ADAMTSL1: variants seen among roughly 807,000 people sequenced by gnomAD.
ADAMTSL1 encodes ADAMTS-like protein 1.
Under a neutral mutation model 201.8 loss-of-function variants are expected in ADAMTSL1, and 126 were observed. The observed-to-expected ratio is 0.62, with a 90% CI of 0.54 to 0.72. The LOEUF is 0.72. Among genes scored for constraint, ADAMTSL1 ranks in the 30% least tolerant of loss-of-function variants. The pLI is 0.00. For missense variants in ADAMTSL1, 2,679 were observed against 2,277.8 expected (o/e 1.18, Z -3.59); for synonymous variants, 1,121 against 903.4 (o/e 1.24, Z -4.32).
At chr9:18,304,569 C>A (rs969913554) in intron 2 of ADAMTSL1, among the ~76,000 whole-genome samples, 2 of 151,788 alleles carry the variant, frequency 1.3e-5, no homozygotes, top group African/African-American at 4.8e-5. Context: ...TGTTATTTAC[C>A]TACACTGAGG....
intron 15 of ADAMTSL1, among the ~76,000 whole-genome samples, chr9:18,726,902 C>A (rs1817928561): frequency 6.6e-6 from 1 of 152,200 alleles, no homozygotes; most frequent in South Asian, 2.1e-4. Context: ...TCCCCCTGCC[C>A]CAGCCCCAGT....
At chr9:18,597,428 T>C (rs1824342114) in intron 4 of ADAMTSL1, among the ~76,000 whole-genome samples, 1 of 152,232 alleles carries the variant, frequency 6.6e-6, no homozygotes, top group African/African-American at 2.4e-5. Context: ...TTAATATGCT[T>C]ATCAAGTTGT....
chr9:18,275,081 G>T (rs1587447510), intron 2 of ADAMTSL1, among the ~76,000 whole-genome samples: 1 of 152,014 alleles, frequency 6.6e-6, no homozygotes, highest in East Asian at 1.9e-4. Context: ...TACATCTTTT[G>T]TCCATCTGGG....
At chr9:17,950,622 G>A (rs1827698346) in intron 1 of ADAMTSL1, among the ~76,000 whole-genome samples, 1 of 151,726 alleles carries the variant, frequency 6.6e-6, no homozygotes, top group African/African-American at 2.4e-5. Flanking sequence ...TGATACATAA[G>A]AGAACTGGTT....
rs373941129 is a variant in ADAMTSL1, at chr9:18,759,994, G to A, written c.2217+6486G>A. Among the ~76,000 whole-genome samples, 50 of 152,258 alleles carry A rather than the reference G, an allele frequency of 3.3e-4. 1 individual carries two copies. The highest frequency in any genetic ancestry group is 1.2e-3 in the African/African-American group (49 of 41,562). ...TGACCTCGACTGTGTGCATAGCACCGTGTCTAACTGCCTTTGGGCTCCCTC... is the reference window on the plus strand; with the variant it reads ...TGACCTCGACTGTGTGCATAGCACCATGTCTAACTGCCTTTGGGCTCCCTC... On this transcript the variant is annotated intron_variant, in intron 16 of 28. Coordinates refer to ENST00000380548, the MANE Select transcript of ADAMTSL1 (RefSeq NM_001040272.6).
At chr9:18,139,583 C>T (rs1313865810) in intron 1 of ADAMTSL1, among the ~76,000 whole-genome samples, 2 of 152,144 alleles carry the variant, frequency 1.3e-5, no homozygotes, top group Non-Finnish European at 2.9e-5. Flanking sequence ...TGAGTTCCAT[C>T]CAACTTTTAG....
intron 2 of ADAMTSL1, chr9:18,360,492 G>A (rs577060779): frequency 2.6e-5 from 4 of 152,212 alleles, no homozygotes; most frequent in Admixed American, 6.5e-5. Flanking sequence ...ACATTGGTAC[G>A]ACTTCATGCT....
intron 1 of ADAMTSL1, among the ~76,000 whole-genome samples, chr9:18,132,308 T>C (rs910740495): frequency 2.0e-5 from 3 of 152,148 alleles, no homozygotes; most frequent in Non-Finnish European, 4.4e-5. Context: ...CGTGTGTATA[T>C]TTTTTCCCGT....
intron 1 of ADAMTSL1, among the ~76,000 whole-genome samples, chr9:18,490,096 A>T (rs1459430020): frequency 6.6e-6 from 1 of 152,150 alleles, no homozygotes. Context: ...CCCTGTCCCA[A>T]ACCATCATTC....
intron 1 of ADAMTSL1, among the ~76,000 whole-genome samples, chr9:18,501,198 G>A (rs1822817652): frequency 6.6e-6 from 1 of 152,056 alleles, no homozygotes; most frequent in African/African-American, 2.4e-5. Context: ...AAGTTAAAAG[G>A]ACTGTACATT....
At chr9:18,797,797 T>C (rs1425442083) in intron 20 of ADAMTSL1, among the ~76,000 whole-genome samples, 1 of 152,202 alleles carries the variant, frequency 6.6e-6, no homozygotes, top group African/African-American at 2.4e-5. Flanking sequence ...AAAAAGCACT[T>C]AACCCAATGC....
At chr9:18,867,875 C>T (rs1280661861) in intron 23 of ADAMTSL1, among the ~76,000 whole-genome samples, 1 of 152,194 alleles carries the variant, frequency 6.6e-6, no homozygotes, top group African/African-American at 2.4e-5. Flanking sequence ...ATCCACCCAC[C>T]TCTGCCTCCC....
At chr9:18,149,004 T>G (rs1264818244) in intron 1 of ADAMTSL1, among the ~76,000 whole-genome samples, 4 of 152,080 alleles carry the variant, frequency 2.6e-5, no homozygotes, top group African/African-American at 9.7e-5. Flanking sequence ...GTTTTATGAT[T>G]ATTTGCCAGC....
At chr9:17,981,732 G>A (rs1818709260) in intron 1 of ADAMTSL1, among the ~76,000 whole-genome samples, 1 of 152,166 alleles carries the variant, frequency 6.6e-6, no homozygotes, top group African/African-American at 2.4e-5. Flanking sequence ...TTCACTGTAT[G>A]ATCACACATT....
At position 18,366,627 on chromosome 9, in the gene ADAMTSL1, A is replaced by ATT. The variant is rs772034324; in HGVS notation, c.208-138163_208-138162dup. Among the ~76,000 whole-genome samples, 183 of 112,808 alleles carry ATT rather than the reference A, an allele frequency of 1.6e-3. 16 individuals carry two copies. The highest frequency in any genetic ancestry group is 5.7e-3 in the African/African-American group (166 of 29,076). The allele number at this position is 112,808 out of a possible 152,430, so 74.0% of individuals were successfully genotyped here. The stretch of plus-strand genomic sequence containing the variant: ...ATGGATAGTGCCTCTGAAATCACTA[A>ATT]TTTTTTTTTTTTTTTTTTTTTTTTT... On this transcript the variant is annotated intron_variant, in intron 2 of 29. Coordinates refer to the ADAMTSL1 transcript ENST00000680146.
In ADAMTSL1 at chr9:18,600,540, T is replaced by C. The variant is rs564403386; in HGVS notation, c.475-21703T>C. 8.5e-5 allele frequency among the ~76,000 whole-genome samples: 13 copies of C among 152,280 alleles called. No individual in the cohort carries two copies. In the East Asian group the frequency reaches 1.2e-3, roughly 14 times the overall value. On this transcript the variant is annotated intron_variant, in intron 4 of 28. Coordinates refer to ENST00000380548, the MANE Select transcript of ADAMTSL1 (RefSeq NM_001040272.6). Reference sequence around the variant, plus strand: ...AGAATCTATGACTGGATACCAAGAATTGGGGTCCCTACTTGCCACTGGTTT... The same window carrying C: ...AGAATCTATGACTGGATACCAAGAACTGGGGTCCCTACTTGCCACTGGTTT...
At chr9:17,939,892 T>C (rs1298105291) in intron 1 of ADAMTSL1, among the ~76,000 whole-genome samples, 1 of 151,530 alleles carries the variant, frequency 6.6e-6, no homozygotes, top group Admixed American at 6.6e-5. Flanking sequence ...AGCAAAAGAG[T>C]CAGTTAAGGA....
chr9:17,998,047 A>T (rs921528290), intron 1 of ADAMTSL1, among the ~76,000 whole-genome samples: 1 of 152,084 alleles, frequency 6.6e-6, no homozygotes, highest in African/African-American at 2.4e-5. Context: ...ATACCCACTG[A>T]ATATTCTCCA....
intron 2 of ADAMTSL1, among the ~76,000 whole-genome samples, chr9:18,225,021 T>A (rs1383969812): frequency 6.6e-6 from 1 of 152,164 alleles, no homozygotes; most frequent in Non-Finnish European, 1.5e-5. Flanking sequence ...ATAAAACTGT[T>A]CTTGTAAACT....
Sources: allele counts gnomAD v4.1 joint callset (sites outside exome capture counted in the v4.1 genomes callset), GRCh38; gene constraint gnomAD v4.1.1; transcripts MANE v1.5; gene names NCBI Gene and HGNC (gene_info 2026-07-23, HGNC 2026-07-21).